The following MAP3K20 variants were observed in gnomAD, a reference collection of about 807,000 sequenced individuals.
The protein encoded by MAP3K20 is HCCS-4.
MAP3K20 carries 40 observed loss-of-function variants against 85.7 expected under a neutral mutation model. That is an observed-to-expected ratio of 0.47 (90% CI 0.36 to 0.61). The LOEUF is 0.61. MAP3K20 is among the 20% of genes least tolerant of loss of function. The pLI, the probability that MAP3K20 is intolerant of heterozygous loss-of-function variation, is 0.00. For missense variants in MAP3K20, 817 were observed against 961.7 expected (o/e 0.85, Z 1.99); for synonymous variants, 325 against 327.7 (o/e 0.99, Z 0.09).
At chr2:173,163,995 C>G (rs888759235) in intron 2 of MAP3K20, among the ~76,000 whole-genome samples, 1 of 150,718 alleles carries the variant, frequency 6.6e-6, no homozygotes, top group African/African-American at 2.4e-5. Flanking sequence ...GAGTCTAGCT[C>G]TGTCGCGAGG....
chr2:173,114,324 G>A (rs1473555465), intron 2 of MAP3K20, among the ~76,000 whole-genome samples: 4 of 152,086 alleles, frequency 2.6e-5, no homozygotes, highest in African/African-American at 9.7e-5. Flanking sequence ...TGGTTGGTGA[G>A]TTCTTATCCA....
intron 2 of MAP3K20, among the ~76,000 whole-genome samples, chr2:173,160,803 C>A (rs925479553): frequency 4.6e-5 from 7 of 152,216 alleles, no homozygotes; most frequent in Middle Eastern, 3.4e-3. Context: ...GACCCTGGTT[C>A]TTTTGTTGTG....
chr2:173,175,817 T>C (rs2106257585), intron 3 of MAP3K20, among the ~76,000 whole-genome samples: 1 of 152,302 alleles, frequency 6.6e-6, no homozygotes, highest in African/African-American at 2.4e-5. Context: ...TTTGACTAGA[T>C]GGTGAAGAGT....
chr2:173,232,053 G>T (rs1376954679), intron 12 of MAP3K20, 139 bp from the exon 13 acceptor site: 5 of 1,070,894 alleles, frequency 4.7e-6, no homozygotes, highest in Non-Finnish European at 6.9e-6. Flanking sequence ...ACTACAAAGA[G>T]AAAGTCTTCT....
At chr2:173,134,252 G>A (rs565148035) in intron 2 of MAP3K20, among the ~76,000 whole-genome samples, 69 of 143,130 alleles carry the variant, frequency 4.8e-4, no homozygotes, top group Non-Finnish European at 9.4e-4. Flanking sequence ...GTGCCGTGGC[G>A]TGATTTTGGC....
intron 3 of MAP3K20, among the ~76,000 whole-genome samples, 192 bp downstream of exon 3, chr2:173,170,084 A>G (rs972550187): frequency 1.3e-5 from 2 of 152,210 alleles, no homozygotes; most frequent in Admixed American, 1.3e-4. Flanking sequence ...ACTTCTACCC[A>G]TGTTTAATTG....
chr2:173,217,818 T>C (rs1684122126), intron 11 of MAP3K20, among the ~76,000 whole-genome samples: 2 of 152,206 alleles, frequency 1.3e-5, no homozygotes, highest in Non-Finnish European at 2.9e-5. Context: ...TCAGTATTTA[T>C]TACACCTAGG....
chr2:173,108,469 T>C (rs1687849066), intron 2 of MAP3K20, among the ~76,000 whole-genome samples: 1 of 152,216 alleles, frequency 6.6e-6, no homozygotes, highest in Admixed American at 6.5e-5. Context: ...TAATTACACA[T>C]GTCCTGTCCC....
intron 2 of MAP3K20, among the ~76,000 whole-genome samples, chr2:173,095,615 C>G (rs910535118): frequency 6.6e-6 from 1 of 152,060 alleles, no homozygotes; most frequent in Admixed American, 6.6e-5. Flanking sequence ...CTTCTTTGGG[C>G]CAGGAATCTT....
chr2:173,207,072 A>G (rs1574110113), intron 9 of MAP3K20, among the ~76,000 whole-genome samples: 1 of 151,972 alleles, frequency 6.6e-6, no homozygotes, highest in African/African-American at 2.4e-5. Context: ...GAAAGCTGAT[A>G]TTAGGTAAAT....
intron 2 of MAP3K20, among the ~76,000 whole-genome samples, chr2:173,095,697 C>G (rs1687437603): frequency 6.6e-6 from 1 of 152,080 alleles, no homozygotes; most frequent in Non-Finnish European, 1.5e-5. Flanking sequence ...AGATGTATAA[C>G]AAGGAAGAAT....
intron 16 of MAP3K20, among the ~76,000 whole-genome samples, chr2:173,258,040 A>G (rs1685199580): frequency 6.6e-6 from 1 of 152,200 alleles, no homozygotes; most frequent in Non-Finnish European, 1.5e-5. Context: ...ACCTAGCAAA[A>G]CTGGGCTCAT....
At chr2:173,244,030 A>C (rs974605173) in intron 16 of MAP3K20, among the ~76,000 whole-genome samples, 5 of 152,172 alleles carry the variant, frequency 3.3e-5, no homozygotes, top group Non-Finnish European at 7.4e-5. Context: ...CAGCGCAGAC[A>C]ACCAGGTGAA....
Position 173,258,778 on chromosome 2 carries a change from C to T in MAP3K20, c.1439C>T (p.Thr480Ile), listed in dbSNP as rs906183367. ...ITYIKDVTFN[T>I]NLPDAEILKM... ...TACATAAAAGATGTGACATTCAACA[C>T]TAACCTACCTGATGCGGAGATTTTA... is the stretch of plus-strand genomic sequence containing the variant. The change falls in exon 17 of 20, where the codon ACT becomes ATT. Residue 480 changes from threonine to isoleucine, a missense_variant. This residue lies in a region of MAP3K20 where 454 missense variants were observed against 476.9 expected (regional missense o/e 0.95). Transcript: ENST00000375213. The T allele has an allele frequency of 1.2e-6, 2 of 1,611,996 alleles. No homozygotes were observed. The highest frequency in any genetic ancestry group is 1.7e-6 in the Non-Finnish European group (2 of 1,178,266).
In MAP3K20 at chr2:173,198,004, T is replaced by A. The variant is rs1418413009; in HGVS notation, c.583-22T>A. ...AAAATATAAAGTACAAAAATAAAAA[T>A]TCCATTTTCTTTTTGTTCCAGGTTC... is the stretch of plus-strand genomic sequence containing the variant. On this transcript the variant is annotated intron_variant, in intron 7 of 19. Transcript: ENST00000375213. The surrounding 1 kb of genome is among the most constrained non-coding windows in gnomAD (Gnocchi z 5.8). The A allele has an allele frequency of 2.1e-5, 33 of 1,597,324 alleles. No individual in the cohort carries two copies. The highest frequency in any genetic ancestry group is 2.6e-5 in the Non-Finnish European group (31 of 1,170,630).
At chr2:173,149,514 T>TA (rs559472873) in intron 2 of MAP3K20, among the ~76,000 whole-genome samples, 421 of 145,958 alleles carry the variant, frequency 2.9e-3, no homozygotes, top group Non-Finnish European at 4.0e-3. Context: ...TTATTTTTTT[T>TA]TAAAAAAAAC....
intron 2 of MAP3K20, among the ~76,000 whole-genome samples, chr2:173,113,372 T>G (rs1210470070): frequency 6.6e-6 from 1 of 152,124 alleles, no homozygotes; most frequent in African/African-American, 2.4e-5. Context: ...CTTTTGTATT[T>G]TTTTTTGTTT....
At chr2:173,221,932 G>A (rs1458368322) in intron 11 of MAP3K20, 6 of 987,506 alleles carry the variant, frequency 6.1e-6, no homozygotes, top group African/African-American at 3.5e-5. Flanking sequence ...ACTCCTAATT[G>A]TTCTTTGACA....
intron 11 of MAP3K20, chr2:173,227,201 A>G (rs1684413411): frequency 4.3e-6 from 4 of 924,066 alleles, no homozygotes; most frequent in Non-Finnish European, 5.2e-6. Flanking sequence ...TGGATTCCCA[A>G]CATCCTTTGA....
Sources: gnomAD v4.1 joint callset for allele counts (sites outside exome capture counted in the v4.1 genomes callset) on GRCh38, gnomAD v4.1.1 for gene constraint, gnomAD v4.1.1 regional missense constraint, Gnocchi (gnomAD v3.1) non-coding constraint, MANE v1.5 for transcripts, NCBI Gene and HGNC (gene_info 2026-07-23, HGNC 2026-07-21) for gene names.